Variants in ATL1 observed in about 807,000 individuals in gnomAD.
ATL1 encodes atlastin-1.
A neutral mutation model predicts 75.5 loss-of-function variants in ATL1; 31 were observed. The ratio of observed to expected loss-of-function variants is 0.41; its 90% CI spans 0.31 to 0.55. ATL1 has a LOEUF of 0.55. ATL1 is among the 20% of genes least tolerant of loss of function. ATL1 has a pLI of 0.27. For missense variants in ATL1, 405 were observed against 662.6 expected (o/e 0.61, Z 4.27); for synonymous variants, 226 against 233.3 (o/e 0.97, Z 0.28).
chr14:50,562,542 T>C (rs2038860283), intron 1 of ATL1, among the ~76,000 whole-genome samples: 1 of 152,208 alleles, frequency 6.6e-6, no homozygotes. Context: ...GGGAAGCAGA[T>C]GGTCTTTAGG....
intron 1 of ATL1, among the ~76,000 whole-genome samples, chr14:50,577,709 T>C (rs2039018567): frequency 6.6e-6 from 1 of 152,184 alleles, no homozygotes; most frequent in Non-Finnish European, 1.5e-5. Flanking sequence ...TACTTTCTGT[T>C]TCTATAAATT....
At chr14:50,560,623 T>A (rs1341019433) in intron 1 of ATL1, 1 of 390,218 alleles carries the variant, frequency 2.6e-6, no homozygotes, top group Non-Finnish European at 4.8e-6. Flanking sequence ...GGTTCCGCCT[T>A]AGCGATCGGT....
At chr14:50,557,823 G>A (rs1008474424), upstream of ATL1, among the ~76,000 whole-genome samples, 5 of 152,116 alleles carry the variant, frequency 3.3e-5, no homozygotes, top group South Asian at 4.1e-4. Flanking sequence ...ACCTTTTCTC[G>A]TTAAAAGGAG....
chr14:50,562,185 C>T (rs537893302), intron 1 of ATL1, among the ~76,000 whole-genome samples: 4 of 152,226 alleles, frequency 2.6e-5, no homozygotes, highest in Non-Finnish European at 5.9e-5. Context: ...GCTGGGACTA[C>T]AGGCGCCTGC....
chr14:50,620,737 C>A lies in ATL1; in HGVS notation c.990+11C>A. 6.2e-7 allele frequency: 1 copy of A among 1,612,660 alleles called. No homozygotes were observed. The highest frequency in any genetic ancestry group is 8.5e-7 in the Non-Finnish European group (1 of 1,179,002). On this transcript the variant is annotated intron_variant, in intron 9 of 13. Coordinates refer to ENST00000358385, the MANE Select transcript of ATL1 (RefSeq NM_015915.5). ...GTGGAGTACTTCAAGGTATCACTCT[C>A]ATTTCTAGAGCATTCGTGGGATAGA...
chr14:50,547,140 A>G (rs1487431063), intron 1 of ATL1, among the ~76,000 whole-genome samples: 1 of 152,180 alleles, frequency 6.6e-6, no homozygotes, highest in East Asian at 1.9e-4. Flanking sequence ...TTAACAGGAA[A>G]ATAAGTTAGA....
chr14:50,568,622 C>A (rs1016685394), intron 1 of ATL1, among the ~76,000 whole-genome samples: 2 of 152,128 alleles, frequency 1.3e-5, no homozygotes, highest in African/African-American at 4.8e-5. Flanking sequence ...TAAATCCATT[C>A]TGCCAATCTC....
chr14:50,588,187 T>C, intron 2 of ATL1, 109 bp downstream of exon 2: 2 of 1,353,600 alleles, frequency 1.5e-6, no homozygotes, highest in Non-Finnish European at 2.1e-6. Flanking sequence ...GTACCCTATA[T>C]ATGAACCAGC....
At chr14:50,561,813 A>G (rs1274747964) in intron 1 of ATL1, among the ~76,000 whole-genome samples, 1 of 152,142 alleles carries the variant, frequency 6.6e-6, no homozygotes, top group African/African-American at 2.4e-5. Context: ...TCTGAAATTT[A>G]AGTAAGCATT....
At chr14:50,536,281 A>G (rs1291915030) in intron 1 of ATL1, among the ~76,000 whole-genome samples, 1 of 152,088 alleles carries the variant, frequency 6.6e-6, no homozygotes, top group Non-Finnish European at 1.5e-5. Flanking sequence ...TGCTAAAACT[A>G]CAAAATTAGC....
intron 5 of ATL1, among the ~76,000 whole-genome samples, chr14:50,594,208 G>A (rs2039190516): frequency 6.6e-6 from 1 of 152,170 alleles, no homozygotes; most frequent in African/African-American, 2.4e-5. Context: ...CGAAGTGGGA[G>A]GAGCCCCTTA....
At chr14:50,594,975 C>T (rs890868610) in intron 5 of ATL1, among the ~76,000 whole-genome samples, 6 of 134,120 alleles carry the variant, frequency 4.5e-5, no homozygotes, top group African/African-American at 1.7e-4. Context: ...CTCCAGCCTG[C>T]GTGACAGAGT....
chr14:50,533,535 G>A (rs775681900), intron 1 of ATL1, among the ~76,000 whole-genome samples: 4 of 152,120 alleles, frequency 2.6e-5, no homozygotes, highest in African/African-American at 4.8e-5. Context: ...CTGTTTTGCA[G>A]TTTCAGTTCC....
At chr14:50,579,068 G>A (rs888633154) in intron 1 of ATL1, among the ~76,000 whole-genome samples, 1 of 152,012 alleles carries the variant, frequency 6.6e-6, no homozygotes, top group Non-Finnish European at 1.5e-5. Context: ...TATGTATGGA[G>A]TCATTTAATA....
intron 1 of ATL1, among the ~76,000 whole-genome samples, chr14:50,582,606 A>C (rs1354186000): frequency 1.5e-5 from 2 of 133,266 alleles, no homozygotes; most frequent in African/African-American, 2.8e-5. Context: ...TTTTTTTTTT[A>C]GTAGAGACGG....
intron 11 of ATL1, among the ~76,000 whole-genome samples, chr14:50,625,074 GA>G (rs1444551384): frequency 2.6e-5 from 2 of 75,758 alleles, no homozygotes; most frequent in African/African-American, 1.2e-4. Context: ...GGCTCTGTCT[GA>G]AAAAAAAAAG....
At chr14:50,632,191 TAATAA>T (rs2039588705) in intron 13 of ATL1, 33 bp from the exon 14 acceptor site, 1 of 1,476,010 alleles carries the variant, frequency 6.8e-7, no homozygotes, top group Non-Finnish European at 9.4e-7. Context: ...TCTGTGTGTT[TAATAA>T]AATGTTTTAT....
At chr14:50,548,294 CA>C (rs1448951055) in intron 1 of ATL1, among the ~76,000 whole-genome samples, 2 of 152,180 alleles carry the variant, frequency 1.3e-5, no homozygotes, top group Non-Finnish European at 2.9e-5. Context: ...GCCCATTGTA[CA>C]CCCTAATGAA....
At chr14:50,617,677 A>T (rs1566732109) in intron 8 of ATL1, among the ~76,000 whole-genome samples, 1 of 152,212 alleles carries the variant, frequency 6.6e-6, no homozygotes, top group Non-Finnish European at 1.5e-5. Context: ...AAGTCCTTGG[A>T]AGATTTTGCC....
Sources: allele counts gnomAD v4.1 joint callset (sites outside exome capture counted in the v4.1 genomes callset), GRCh38; gene constraint gnomAD v4.1.1; transcripts MANE v1.5; gene names NCBI Gene and HGNC (gene_info 2026-07-23, HGNC 2026-07-21).